Variants in WNT4 observed in about 807,000 individuals in gnomAD.
WNT4 encodes protein Wnt-4.
WNT4 carries 16 observed loss-of-function variants against 34.5 expected under a neutral mutation model. The observed-to-expected ratio is 0.46, with a 90% CI of 0.31 to 0.70. The LOEUF (loss-of-function observed/expected upper bound fraction) is 0.70, where lower values mean the gene tolerates loss of function less well. Among genes scored for constraint, WNT4 ranks in the 30% least tolerant of loss-of-function variants. The pLI is 0.04. For missense variants in WNT4, 379 were observed against 495.9 expected, an observed-to-expected ratio of 0.76 and a Z score of 2.24; for synonymous variants, 200 against 211.9, an observed-to-expected ratio of 0.94 and a Z score of 0.49.
intron 2 of WNT4, chr1:22,127,591 G>T: frequency 2.4e-6 from 1 of 418,020 alleles, no homozygotes. Flanking sequence ...TCTAAAAGGT[G>T]TGCTAGAAGC....
Position 22,142,276 on chromosome 1 carries a change from C to T in WNT4, c.77+570G>A, listed in dbSNP as rs1646075049. ...AACCAAGGCCCGGCCAGCGCCAGCG[C>T]CAGCCCCGGGCCCTGGGAGACCAGG... On this transcript the variant is annotated intron_variant, in intron 1 of 4. Transcript: ENST00000290167. The surrounding 1 kb of genome is among the most constrained non-coding windows in gnomAD (Gnocchi z 6.0). 6.6e-6 allele frequency among the ~76,000 whole-genome samples: 1 copy of T among 152,084 alleles called. No individual in the cohort carries two copies.
chr1:22,133,584 G>A (rs1216862476), intron 1 of WNT4, among the ~76,000 whole-genome samples: 1 of 152,238 alleles, frequency 6.6e-6, no homozygotes, highest in Non-Finnish European at 1.5e-5. Context: ...CATCCCTGAG[G>A]CTTCTCCTGT....
chr1:22,130,650 C>G (rs1438355887), intron 1 of WNT4, among the ~76,000 whole-genome samples: 1 of 152,234 alleles, frequency 6.6e-6, no homozygotes, highest in East Asian at 1.9e-4. Flanking sequence ...GGTAACTGCT[C>G]TTTGGGCCTC....
rs1645897931 is a variant in WNT4 at position 22,121,496 on chromosome 1, C to T, written c.394G>A (p.Glu132Lys). ...CTGTCACAGCCGCACTTCTCCAGCT[C>T]CCCACTGCTGCACGCCCGCGTCACT... ...FAVTRACSSG[E>K]LEKCGCDRTV... Residue 132 changes from glutamate to lysine, a missense_variant, in exon 3 of 5, where the codon GAG becomes AAG. Glu to Lys is a moderately conservative substitution (Grantham distance 56, BLOSUM62 1). Coordinates refer to ENST00000290167, the MANE Select transcript of WNT4 (RefSeq NM_030761.5). 1.9e-6 allele frequency: 3 copies of T among 1,613,940 alleles called. No individual in the cohort carries two copies. The highest frequency in any genetic ancestry group is 1.3e-5 in the African/African-American group (1 of 74,926).
chr1:22,129,532 G>A (rs552257273), intron 2 of WNT4, 84 bp downstream of exon 2: 26 of 1,448,756 alleles, frequency 1.8e-5, no homozygotes, highest in African/African-American at 8.4e-5. Context: ...CAATAGTCCC[G>A]TTGCTCACGA....
intron 1 of WNT4, among the ~76,000 whole-genome samples, chr1:22,136,385 G>A (rs1646021928): frequency 6.6e-6 from 1 of 152,204 alleles, no homozygotes; most frequent in South Asian, 2.1e-4. Context: ...CCTCCCTGCT[G>A]GGCTGAGGGA....
chr1:22,142,936 G>A lies in WNT4; in HGVS notation c.-14C>T, dbSNP rs1646083690. 2 of 1,120,576 alleles carry A rather than the reference G, an allele frequency of 1.8e-6. No individual in the cohort carries two copies. The highest frequency in any genetic ancestry group is 2.2e-6 in the Non-Finnish European group (2 of 898,118). The allele number at this position is 1,120,576 out of a possible 1,614,324, so 69.4% of individuals were successfully genotyped here. A position where few individuals can be genotyped will look rare whatever the true frequency, so the allele number is the denominator to read the frequency against. On this transcript the variant is annotated 5_prime_UTR_variant, in exon 1 of 5. Coordinates refer to ENST00000290167, the MANE Select transcript of WNT4 (RefSeq NM_030761.5). This position sits in a 1 kb window ranked among gnomAD's most constrained non-coding sequence, Gnocchi z 6.0. Reference sequence around the variant, plus strand: ...GCGGGGACTCATGGTGCCGCCGCGGGCGCCCGGCCCGGGGCAGCGGCTGCG... The same window carrying A: ...GCGGGGACTCATGGTGCCGCCGCGGACGCCCGGCCCGGGGCAGCGGCTGCG...
intron 2 of WNT4, among the ~76,000 whole-genome samples, chr1:22,122,676 A>G (rs879158014): frequency 2.6e-5 from 4 of 152,026 alleles, no homozygotes; most frequent in Non-Finnish European, 5.9e-5. Context: ...GCAGGAGCGG[A>G]GGGGGCAGGC....
chr1:22,125,548 C>T (rs991366511), intron 2 of WNT4, among the ~76,000 whole-genome samples: 3 of 152,178 alleles, frequency 2.0e-5, no homozygotes, highest in African/African-American at 7.2e-5. Flanking sequence ...ATGGTTTAGA[C>T]ATGGGGAATG....
Position 22,121,244 on chromosome 1 carries a change from G to A in WNT4, c.555C>T (p.Leu185=). The change falls in exon 4 of 5, where the codon CTC becomes CTT. Residue 185 remains leucine, a synonymous_variant. Transcript: ENST00000290167. ...CGGCCTCATTGTTGTGGAGGTTCAT[G>A]AGGGCTCTGCTGGACGAGGCCCCCT... The part of the protein sequence containing the change: ...RSKGASSSRA[L]MNLHNNEAGR... 1 of 1,614,146 alleles carries A rather than the reference G, an allele frequency of 6.2e-7. No homozygotes were observed. Among genetic ancestry groups the A allele is most frequent in the Non-Finnish European group, 8.5e-7 (1 of 1,180,028 alleles).
At position 22,140,741 on chromosome 1, in the gene WNT4, G is replaced by A. The variant is rs2124140235; in HGVS notation, c.77+2105C>T. On this transcript the variant is annotated intron_variant, in intron 1 of 4. Transcript: ENST00000290167. This position sits in a 1 kb window ranked among gnomAD's most constrained non-coding sequence, Gnocchi z 5.9. Reference sequence around the variant, plus strand: ...GAAGCCTCTTGTTCCTCTTGCCTTGGGTGGAGCAGAGAGACCCTTGGCTTG... The same window carrying A: ...GAAGCCTCTTGTTCCTCTTGCCTTGAGTGGAGCAGAGAGACCCTTGGCTTG... Among the ~76,000 whole-genome samples, 1 of 152,324 alleles carries A rather than the reference G, an allele frequency of 6.6e-6. No individual in the cohort carries two copies. The highest frequency in any genetic ancestry group is 2.1e-4 in the South Asian group (1 of 4,824).
rs1557920965 is a variant in WNT4, at chr1:22,119,211, TG to T, written c.*838del. The T allele has an allele frequency of 2.9e-3, 389 of 134,738 alleles. 5 individuals carry two copies. Among genetic ancestry groups the T allele is most frequent in the African/African-American group, 0.01 (360 of 34,470 alleles). The allele number at this position is 134,738 out of a possible 1,614,324, so 8.3% of individuals were successfully genotyped here. ...CCGTGTGTGTGTGTGTGTGTGTGTG[TG>T]TGTGTGTGTGTGTGTGTTTCAGTTT... On this transcript the variant is annotated 3_prime_UTR_variant, in exon 5 of 5. Transcript: ENST00000290167.
At chr1:22,128,277 CAGG>C (rs1335262719) in intron 2 of WNT4, among the ~76,000 whole-genome samples, 1 of 152,218 alleles carries the variant, frequency 6.6e-6, no homozygotes, top group Admixed American at 6.5e-5. Context: ...CCACAGGTGT[CAGG>C]AGAAGGGTTG....
intron 1 of WNT4, among the ~76,000 whole-genome samples, chr1:22,130,636 G>A (rs1645976190): frequency 1.3e-5 from 2 of 152,230 alleles, no homozygotes; most frequent in African/African-American, 4.8e-5. Context: ...AAGGATAAAG[G>A]GAAGGTAACT....
At position 22,126,044 on chromosome 1, in the gene WNT4, C is replaced by T. The variant is rs138141532; in HGVS notation, c.313+3572G>A. ...TAAGTAGTGACTAAAATACAGAGGC[C>T]ATCCCTCATCTAGCCCTGAATACCT... On this transcript the variant is annotated intron_variant, in intron 2 of 4. Transcript: ENST00000290167. 3.3e-4 allele frequency among the ~76,000 whole-genome samples: 51 copies of T among 152,312 alleles called. No individual in the cohort carries two copies. In the East Asian group the frequency reaches 8.1e-3, roughly 24 times the overall value.
chr1:22,133,693 A>G (rs935528012), intron 1 of WNT4, among the ~76,000 whole-genome samples: 2 of 152,196 alleles, frequency 1.3e-5, no homozygotes, highest in African/African-American at 4.8e-5. Flanking sequence ...GACTCTCGCC[A>G]TGGCCATGCC....
intron 2 of WNT4, chr1:22,127,168 C>T (rs146220840): frequency 5.1e-5 from 21 of 409,818 alleles, no homozygotes; most frequent in African/African-American, 3.1e-4. Flanking sequence ...GGCTTAGTCT[C>T]GGCACCTTGA....
At position 22,131,316 on chromosome 1, in the gene WNT4, G is replaced by A. The variant is rs1415289494; in HGVS notation, c.78-1465C>T. ...CAAGTGACGGTTCTTGAATCTGGCT[G>A]TGCATCGAAACGTGTGCAGGGTTTG... is the stretch of plus-strand genomic sequence containing the variant. On this transcript the variant is annotated intron_variant, in intron 1 of 4. Transcript: ENST00000290167. Among the ~76,000 whole-genome samples, 3 of 152,372 alleles carry A rather than the reference G, an allele frequency of 2.0e-5. No individual in the cohort carries two copies. In the East Asian group the frequency reaches 5.8e-4, roughly 29 times the overall value.
intron 2 of WNT4, chr1:22,127,184 C>T (rs1645946732): frequency 2.8e-5 from 12 of 423,708 alleles, no homozygotes; most frequent in South Asian, 2.1e-4. Context: ...CTTGACATGT[C>T]CCTCTCCAAA....
Sources: gnomAD v4.1 joint callset for allele counts (sites outside exome capture counted in the v4.1 genomes callset) on GRCh38, gnomAD v4.1.1 for gene constraint, Gnocchi (gnomAD v3.1) non-coding constraint, MANE v1.5 for transcripts, NCBI Gene and HGNC (gene_info 2026-07-23, HGNC 2026-07-21) for gene names.